The following PTPRD variants were observed in gnomAD, a reference collection of about 807,000 sequenced individuals.
PTPRD encodes receptor-type tyrosine-protein phosphatase delta.
Under a neutral mutation model 214.5 loss-of-function variants are expected in PTPRD, and 34 were observed. That is an observed-to-expected ratio of 0.16 (90% CI 0.12 to 0.21). The LOEUF (loss-of-function observed/expected upper bound fraction) is 0.21. Ranked by LOEUF, PTPRD falls within the 10% of genes least tolerant of loss-of-function variation. The pLI, the probability that PTPRD is intolerant of heterozygous loss-of-function variation, is 1.00. For synonymous variants in PTPRD, 1,128 were observed against 845.7 expected (o/e 1.33, Z -5.79); for missense variants, 2,545 against 2,398.7 (o/e 1.06, Z -1.27).
chr9:9,769,624 C>T lies in PTPRD; in HGVS notation c.-367-2773G>A, dbSNP rs2098735905. 8.6e-5 allele frequency among the ~76,000 whole-genome samples: 13 copies of T among 150,378 alleles called. No homozygotes were observed. The South Asian group carries it at 2.5e-3, about 29-fold the overall frequency. ...TACAGGCTTGAGCCACCGTGCCCGG[C>T]CACCAGAAGCCCTTTTATACACATG... On this transcript the variant is annotated intron_variant, in intron 5 of 45. Transcript: ENST00000381196.
chr9:8,796,131 G>A (rs2096413403), intron 11 of PTPRD, among the ~76,000 whole-genome samples: 1 of 152,056 alleles, frequency 6.6e-6, no homozygotes, highest in Admixed American at 6.6e-5. Flanking sequence ...AATGCTATAG[G>A]CCAATAGATG....
rs887605143 is a variant in PTPRD, at chr9:9,688,468, G to T, written c.-287+46065C>A. ...TCCTTCCCCTCAATGTTTTGTTGTT[G>T]CTGCTGTTTTGTCTGGGTAAATGAG... On this transcript the variant is annotated intron_variant, in intron 7 of 45. Coordinates refer to ENST00000381196, the MANE Select transcript of PTPRD (RefSeq NM_002839.4). Among the ~76,000 whole-genome samples, 3 of 151,812 alleles carry T rather than the reference G, an allele frequency of 2.0e-5. No homozygotes were observed. In the Admixed American group the frequency reaches 2.0e-4, roughly 10 times the overall value.
chr9:9,511,827 C>A (rs542186427), intron 8 of PTPRD, among the ~76,000 whole-genome samples: 1 of 151,838 alleles, frequency 6.6e-6, no homozygotes, highest in South Asian at 2.1e-4. Context: ...TGCTCAGAGA[C>A]ATTTTGCAAA....
chr9:8,761,481 G>C (rs573732850), intron 11 of PTPRD, among the ~76,000 whole-genome samples: 100 of 152,254 alleles, frequency 6.6e-4, no homozygotes, highest in African/African-American at 1.8e-3. Flanking sequence ...TGGATGGAGA[G>C]AGCAAGCAAG....
chr9:9,365,732 G>A (rs1027857293), intron 9 of PTPRD, among the ~76,000 whole-genome samples: 1 of 151,392 alleles, frequency 6.6e-6, no homozygotes, highest in African/African-American at 2.4e-5. Flanking sequence ...CTCCTTCCTT[G>A]TGTGCTGTCG....
intron 2 of PTPRD, among the ~76,000 whole-genome samples, chr9:10,566,379 A>C (rs561277053): frequency 1.3e-5 from 2 of 152,068 alleles, no homozygotes; most frequent in Middle Eastern, 3.2e-3. Flanking sequence ...TTACAACTGC[A>C]GTGTATGAAA....
chr9:9,541,468 A>C (rs1838798563), intron 8 of PTPRD, among the ~76,000 whole-genome samples: 1 of 151,866 alleles, frequency 6.6e-6, no homozygotes, highest in Non-Finnish European at 1.5e-5. Flanking sequence ...GAGAAACCTC[A>C]ACAAATATCA....
At chr9:9,117,559 A>C (rs780965385) in intron 10 of PTPRD, among the ~76,000 whole-genome samples, 2 of 152,188 alleles carry the variant, frequency 1.3e-5, no homozygotes, top group East Asian at 3.9e-4. Flanking sequence ...ACTGAGGAAC[A>C]AGATCTTTTA....
Position 8,594,949 on chromosome 9 carries a change from G to A in PTPRD, c.352+38368C>T, listed in dbSNP as rs531104799. On this transcript the variant is annotated intron_variant, in intron 14 of 45. Coordinates refer to ENST00000381196, the MANE Select transcript of PTPRD (RefSeq NM_002839.4). ...GCAAACTTGGCTCACTGTAAGCTCC[G>A]CCTCCCAGGTTCACTCCATTCTCCT... 3.0e-3 allele frequency among the ~76,000 whole-genome samples: 428 copies of A among 140,880 alleles called. 2 individuals are homozygous for A. The highest frequency in any genetic ancestry group is 0.011 in the African/African-American group (396 of 37,364). The allele number at this position is 140,880 out of a possible 152,430, so 92.4% of individuals were successfully genotyped here.
intron 3 of PTPRD, among the ~76,000 whole-genome samples, chr9:10,249,462 T>A (rs2092568154): frequency 6.6e-6 from 1 of 152,148 alleles, no homozygotes; most frequent in Admixed American, 6.6e-5. Flanking sequence ...AAATGTCCCT[T>A]CCTTGAAGCT....
chr9:9,285,073 A>G (rs1010604994), intron 9 of PTPRD, among the ~76,000 whole-genome samples: 2 of 151,770 alleles, frequency 1.3e-5, no homozygotes, highest in Non-Finnish European at 2.9e-5. Context: ...ATTTCCCACC[A>G]CCTAGTATGT....
chr9:9,735,717 C>G (rs1039799916), intron 6 of PTPRD, among the ~76,000 whole-genome samples: 1 of 152,074 alleles, frequency 6.6e-6, no homozygotes. Flanking sequence ...AGAGACCTTA[C>G]TGAATTCTCT....
At chr9:8,660,447 C>G (rs4742528) in intron 12 of PTPRD, among the ~76,000 whole-genome samples, 37 of 152,264 alleles carry the variant, frequency 2.4e-4, no homozygotes, top group African/African-American at 8.2e-4. Context: ...TAACACTTAT[C>G]CAAATTAGTT....
intron 22 of PTPRD, among the ~76,000 whole-genome samples, chr9:8,504,922 A>G (rs2097509162): frequency 6.6e-6 from 1 of 152,228 alleles, no homozygotes; most frequent in Non-Finnish European, 1.5e-5. Context: ...GGAGGTTGCT[A>G]TAAAAGAGAT....
intron 14 of PTPRD, among the ~76,000 whole-genome samples, chr9:8,618,355 T>C (rs1454422913): frequency 1.3e-5 from 2 of 152,132 alleles, no homozygotes; most frequent in Non-Finnish European, 2.9e-5. Context: ...ACCTTTCAAT[T>C]AGCTCAGCAA....
intron 9 of PTPRD, among the ~76,000 whole-genome samples, chr9:9,296,936 T>A (rs1340673981): frequency 6.6e-6 from 1 of 151,796 alleles, no homozygotes; most frequent in Non-Finnish European, 1.5e-5. Flanking sequence ...TCTAAAGCAA[T>A]TAGTGTTAAG....
chr9:8,846,061 T>G (rs1566568830), intron 11 of PTPRD, among the ~76,000 whole-genome samples: 2 of 152,194 alleles, frequency 1.3e-5, no homozygotes, highest in African/African-American at 4.8e-5. Context: ...CACAGCCAGA[T>G]GTAAAGGCAG....
At chr9:9,012,119 C>T (rs1303067976) in intron 11 of PTPRD, among the ~76,000 whole-genome samples, 2 of 152,118 alleles carry the variant, frequency 1.3e-5, no homozygotes, top group East Asian at 3.9e-4. Flanking sequence ...CTTCAGGCAG[C>T]TCCTGGAGCT....
chr9:10,209,112 C>A (rs1335559859), intron 3 of PTPRD, among the ~76,000 whole-genome samples: 1 of 151,988 alleles, frequency 6.6e-6, no homozygotes, highest in African/African-American at 2.4e-5. Flanking sequence ...AACTGTGTGA[C>A]TACAATATTA....
Sources: gnomAD v4.1 joint callset for allele counts (sites outside exome capture counted in the v4.1 genomes callset) on GRCh38, gnomAD v4.1.1 for gene constraint, MANE v1.5 for transcripts, NCBI Gene and HGNC (gene_info 2026-07-23, HGNC 2026-07-21) for gene names.